USP48: variants seen among roughly 807,000 people sequenced by gnomAD.
USP48 encodes the protein ubiquitin specific peptidase 48.
In USP48, 43 loss-of-function variants were observed where a neutral mutation model predicts 150.7. That is an observed-to-expected ratio of 0.29 (90% CI 0.22 to 0.37). The LOEUF is 0.37. USP48 is among the 10% of genes least tolerant of loss of function. The probability of loss-of-function intolerance (pLI) is 1.00; values close to 1 mark genes in which losing one functional copy is unlikely to be tolerated. For missense variants in USP48, 813 were observed against 1,249.6 expected (o/e 0.65, Z 5.27); for synonymous variants, 396 against 425.9 (o/e 0.93, Z 0.86).
intron 21 of USP48, among the ~76,000 whole-genome samples, chr1:21,702,684 G>C (rs1376651182): frequency 6.6e-6 from 1 of 152,092 alleles, no homozygotes; most frequent in Non-Finnish European, 1.5e-5. Context: ...AAACCTGATA[G>C]TGTATGGTCG....
intron 8 of USP48, among the ~76,000 whole-genome samples, chr1:21,741,640 T>G (rs1197558725): frequency 6.6e-6 from 1 of 152,158 alleles, no homozygotes; most frequent in Non-Finnish European, 1.5e-5. Context: ...CTATATAAGA[T>G]AGTCTGTAAG....
intron 25 of USP48, chr1:21,685,774 C>T (rs1215507199): frequency 4.6e-5 from 7 of 152,172 alleles, no homozygotes; most frequent in African/African-American, 1.7e-4. Context: ...GAATGTTCAT[C>T]AGTTGTTTAA....
intron 1 of USP48, among the ~76,000 whole-genome samples, chr1:21,772,313 T>G (rs1486775783): frequency 6.6e-6 from 1 of 152,066 alleles, no homozygotes; most frequent in African/African-American, 2.4e-5. Flanking sequence ...GAAAATATCT[T>G]CGACAGAAAT....
At chr1:21,716,539 C>T (rs1166426349) in intron 14 of USP48, among the ~76,000 whole-genome samples, 3 of 152,198 alleles carry the variant, frequency 2.0e-5, no homozygotes, top group Non-Finnish European at 4.4e-5. Context: ...CAGTTCACTG[C>T]AGGTTAACTG....
chr1:21,681,424 G>T (rs547216555), intron 25 of USP48, among the ~76,000 whole-genome samples: 1 of 151,950 alleles, frequency 6.6e-6, no homozygotes, highest in East Asian at 1.9e-4. Context: ...ACCACACTTG[G>T]CTAATTTTTG....
rs138278157 is a variant in USP48, at chr1:21,705,547, G to A, written c.2384+180C>T. Among the ~76,000 whole-genome samples the A allele has an allele frequency of 1.6e-4, 24 of 152,228 alleles. No homozygotes were observed. The East Asian group carries it at 4.4e-3, about 28-fold the overall frequency. On this transcript the variant is annotated intron_variant, in intron 19 of 26. Transcript: ENST00000308271. ...GACAAATAGCCTCGGGCAGCCTCTT[G>A]TCTTTCCTGGAGAAGCAGTCTTCTT...
intron 25 of USP48, among the ~76,000 whole-genome samples, chr1:21,683,138 A>G (rs2097571291): frequency 1.3e-5 from 2 of 152,116 alleles, no homozygotes; most frequent in Non-Finnish European, 1.5e-5. Context: ...TTGCATGCCT[A>G]TAGTCCCAGC....
intron 8 of USP48, among the ~76,000 whole-genome samples, chr1:21,737,306 T>A (rs908677530): frequency 5.3e-5 from 8 of 151,968 alleles, no homozygotes; most frequent in Admixed American, 3.9e-4. Context: ...AAAATAAAAA[T>A]AAAAACAGGT....
Position 21,701,551 on chromosome 1 carries a change from CCT to C in USP48, c.2672_2673del (p.Glu891GlyfsTer7). ...TCTGGTTTAGCTTCTTCCTTGTCCT[CCT>C]CTGTTTCAGAACTACTCACATTCAG... ...PELNVSSSET[E>X]EDKEEAKPDG... On this transcript the variant is annotated frameshift_variant, in exon 22 of 27. Coordinates refer to ENST00000308271, the MANE Select transcript of USP48 (RefSeq NM_032236.8). LOFTEE classifies it high-confidence loss of function. 3 of 1,613,988 alleles carry C rather than the reference CCT, an allele frequency of 1.9e-6. No individual in the cohort carries two copies. Among genetic ancestry groups the C allele is most frequent in the Non-Finnish European group, 2.5e-6 (3 of 1,179,946 alleles).
At chr1:21,731,051 A>C (rs914488002) in intron 9 of USP48, among the ~76,000 whole-genome samples, 2 of 152,060 alleles carry the variant, frequency 1.3e-5, no homozygotes. Context: ...GAGCCACTGC[A>C]CCTGGCTGAA....
At chr1:21,697,150 A>C (rs1390678582) in intron 22 of USP48, among the ~76,000 whole-genome samples, 1 of 152,104 alleles carries the variant, frequency 6.6e-6, no homozygotes, top group African/African-American at 2.4e-5. Flanking sequence ...ACAGTTTACA[A>C]AGCAGAAGGT....
intron 24 of USP48, among the ~76,000 whole-genome samples, chr1:21,688,078 A>G (rs1054132649): frequency 1.3e-5 from 2 of 152,180 alleles, no homozygotes; most frequent in Non-Finnish European, 2.9e-5. Flanking sequence ...AAACCTGAAC[A>G]ATGATTCTAC....
At chr1:21,688,867 A>AACC (rs1558989796) in intron 24 of USP48, among the ~76,000 whole-genome samples, 8 of 146,622 alleles carry the variant, frequency 5.5e-5, no homozygotes, top group African/African-American at 2.0e-4. Flanking sequence ...AAAAAAGAAG[A>AACC]AGCCCCTACT....
chr1:21,778,257 T>C (rs1446900775), intron 1 of USP48, among the ~76,000 whole-genome samples: 3 of 151,812 alleles, frequency 2.0e-5, no homozygotes, highest in Non-Finnish European at 4.4e-5. Context: ...AAAAAAGATA[T>C]ATGAATGGCC....
intron 6 of USP48, among the ~76,000 whole-genome samples, chr1:21,749,976 C>T (rs889151982): frequency 1.3e-5 from 2 of 152,118 alleles, no homozygotes; most frequent in Non-Finnish European, 2.9e-5. Context: ...TCTTCAGTTA[C>T]CCCGTGGTCC....
intron 22 of USP48, among the ~76,000 whole-genome samples, chr1:21,698,823 A>C (rs1037855542): frequency 2.0e-5 from 3 of 152,002 alleles, no homozygotes; most frequent in African/African-American, 7.2e-5. Context: ...TGAACCTCGG[A>C]GGCGGAGCTT....
At chr1:21,771,602 C>T (rs140109946) in intron 1 of USP48, among the ~76,000 whole-genome samples, 69 of 151,610 alleles carry the variant, frequency 4.6e-4, no homozygotes, top group Non-Finnish European at 4.9e-4. Context: ...AGTTATTCAA[C>T]GAAATTAATC....
chr1:21,751,875 G>A (rs1557569168), intron 5 of USP48, among the ~76,000 whole-genome samples: 3 of 151,920 alleles, frequency 2.0e-5, no homozygotes, highest in Non-Finnish European at 4.4e-5. Flanking sequence ...AAAATCAGCC[G>A]GATGTGGTGG....
chr1:21,742,549 AAAAAAG>A (rs1472835982), intron 8 of USP48, among the ~76,000 whole-genome samples: 3 of 151,504 alleles, frequency 2.0e-5, no homozygotes, highest in Admixed American at 1.3e-4. Context: ...ATCTCAAAAA[AAAAAAG>A]AAAAGAAAAG....
Sources: gnomAD v4.1 joint callset for allele counts (sites outside exome capture counted in the v4.1 genomes callset) on GRCh38, gnomAD v4.1.1 for gene constraint, MANE v1.5 for transcripts, NCBI Gene and HGNC (gene_info 2026-07-23, HGNC 2026-07-21) for gene names.